Variants in KYNU observed in about 807,000 individuals in gnomAD.
KYNU encodes the protein L-kynurenine hydrolase.
Under a neutral mutation model 59.2 loss-of-function variants are expected in KYNU, and 54 were observed. That is an observed-to-expected ratio of 0.91 (90% CI 0.73 to 1.14). The LOEUF is 1.14. KYNU is among the 50% of genes most tolerant of loss of function. The pLI is 0.00. For missense variants in KYNU, 567 were observed against 554.4 expected, an observed-to-expected ratio of 1.02 and a Z score of -0.23; for synonymous variants, 177 against 192.0, an observed-to-expected ratio of 0.92 and a Z score of 0.65.
At chr2:142,890,471 G>A (rs753356255) in intron 2 of KYNU, among the ~76,000 whole-genome samples, 5 of 151,994 alleles carry the variant, frequency 3.3e-5, no homozygotes, top group Non-Finnish European at 7.4e-5. Flanking sequence ...GGGATCAGTA[G>A]GATTGTTTTT....
In KYNU at chr2:142,978,328, A is replaced by G. The variant is rs369948372; in HGVS notation, c.730-6756A>G. ...CTTTTTAAAAAGTAATATTGTCCAA[A>G]TTTATAGCACTGTAGTTCTTGGATT... is the stretch of plus-strand genomic sequence containing the variant. On this transcript the variant is annotated intron_variant, in intron 8 of 13. Coordinates refer to ENST00000264170, the MANE Select transcript of KYNU (RefSeq NM_003937.3). 5.8e-4 allele frequency among the ~76,000 whole-genome samples: 88 copies of G among 152,210 alleles called. 2 individuals carry two copies. In the South Asian group the frequency reaches 0.018, roughly 31 times the overall value.
chr2:142,998,901 C>T (rs910954924), intron 10 of KYNU, among the ~76,000 whole-genome samples: 6 of 148,248 alleles, frequency 4.0e-5, no homozygotes, highest in South Asian at 4.3e-4. Context: ...CCCAGCTACT[C>T]GGGAGGCTGA....
chr2:142,918,526 T>G, intron 2 of KYNU, 83 bp from the exon 3 acceptor site: 1 of 1,359,964 alleles, frequency 7.4e-7, no homozygotes, highest in Admixed American at 2.7e-5. Flanking sequence ...GTTGATTGTA[T>G]TAATTATTTG....
chr2:142,947,542 G>A (rs966806787), intron 4 of KYNU: 9 of 188,900 alleles, frequency 4.8e-5, no homozygotes, highest in Admixed American at 4.4e-4. Context: ...CAAAACTTTG[G>A]AATGCAAAAA....
intron 3 of KYNU, among the ~76,000 whole-genome samples, chr2:142,927,375 G>C (rs756338816): frequency 2.6e-5 from 4 of 151,722 alleles, no homozygotes; most frequent in Admixed American, 1.3e-4. Flanking sequence ...AAATAACTGA[G>C]ACCAAAAAAA....
At chr2:143,012,455 C>T (rs1430060119) in intron 10 of KYNU, among the ~76,000 whole-genome samples, 2 of 149,160 alleles carry the variant, frequency 1.3e-5, no homozygotes, top group Non-Finnish European at 3.0e-5. Flanking sequence ...TGCACTCCAG[C>T]CTGGATGACA....
At chr2:143,028,190 G>A (rs78657457) in intron 10 of KYNU, among the ~76,000 whole-genome samples, 17,616 of 145,924 alleles carry the variant, frequency 0.12, 1,119 homozygotes, top group East Asian at 0.25. Flanking sequence ...ATACACACAC[G>A]TATGTGATTT....
At chr2:142,973,245 C>T (rs964690775) in intron 8 of KYNU, among the ~76,000 whole-genome samples, 4 of 151,822 alleles carry the variant, frequency 2.6e-5, no homozygotes, top group South Asian at 2.1e-4. Context: ...CTGTAGTCTA[C>T]GTAATTGTCT....
rs991919238 is a variant in KYNU, at chr2:143,049,289, G to A, written c.*7117G>A. The A allele has an allele frequency of 4.0e-5, 6 of 151,822 alleles. No individual in the cohort carries two copies. The East Asian group carries it at 5.8e-4, about 15-fold the overall frequency. 9.4% of individuals were successfully genotyped at this position (151,822 alleles called of 1,614,324 possible). A position where few individuals can be genotyped will look rare whatever the true frequency, so the allele number is the denominator to read the frequency against. ...AAATTCCTTCCATTTGTGATCTTTC[G>A]AATGTGCTTCTGCTTTAGGCATTAG... is the stretch of plus-strand genomic sequence containing the variant. On this transcript the variant is annotated 3_prime_UTR_variant, in exon 14 of 14. Transcript: ENST00000264170.
At position 143,051,823 on chromosome 2, in the gene KYNU, A is replaced by T. The variant is rs1687271702; in HGVS notation, c.*9651A>T. The T allele has an allele frequency of 6.6e-6, 1 of 152,318 alleles. No individual in the cohort carries two copies. The highest frequency in any genetic ancestry group is 1.5e-5 in the Non-Finnish European group (1 of 68,136). The allele number at this position is 152,318 out of a possible 1,614,324, so 9.4% of individuals were successfully genotyped here. A position where few individuals can be genotyped will look rare whatever the true frequency, so the allele number is the denominator to read the frequency against. ...CAGCCTGAAAACTGACTAATATAGT[A>T]AGTTGGCACCAGTAGAGAGGGGCAC... On this transcript the variant is annotated 3_prime_UTR_variant, in exon 14 of 14. Transcript: ENST00000264170.
chr2:142,923,473 GCAACAATAT>G lies in KYNU; in HGVS notation c.291-4185_291-4177del, dbSNP rs1365774099. ...TAAAAAGGTTTTGTAACAAGAAGAA[GCAACAATAT>G]GCCTGAAGCCTATGGGTCTGTTGGA... is the stretch of plus-strand genomic sequence containing the variant. On this transcript the variant is annotated intron_variant, in intron 3 of 13. Transcript: ENST00000264170. Among the ~76,000 whole-genome samples, 13 of 152,262 alleles carry G rather than the reference GCAACAATAT, an allele frequency of 8.5e-5. No individual in the cohort carries two copies. In the East Asian group the frequency reaches 2.5e-3, roughly 29 times the overall value.
At chr2:142,984,529 C>A (rs1685144186) in intron 8 of KYNU, among the ~76,000 whole-genome samples, 1 of 152,056 alleles carries the variant, frequency 6.6e-6, no homozygotes, top group African/African-American at 2.4e-5. Flanking sequence ...ATAAAAGTGG[C>A]AGGTTCAGCT....
Position 143,055,688 on chromosome 2 carries a change from G to GAAGGAAAGGGAGGA in KYNU, c.*13516_*13517insAAGGAAAGGGAGGA, listed in dbSNP as rs879328526. The GAAGGAAAGGGAGGA allele has an allele frequency of 7.0e-6, 1 of 142,658 alleles. No homozygotes were observed. The highest frequency in any genetic ancestry group is 7.1e-5 in the Admixed American group (1 of 14,062). The allele number at this position is 142,658 out of a possible 1,614,324, so 8.8% of individuals were successfully genotyped here. ...GAAGGAAGGAAGGAAGGAAGGAAAG[G>GAAGGAAAGGGAGGA]GAGGAGAGGAGAGGAGAGGTAGGAG... On this transcript the variant is annotated 3_prime_UTR_variant, in exon 14 of 14. Coordinates refer to ENST00000264170, the MANE Select transcript of KYNU (RefSeq NM_003937.3).
chr2:143,051,271 A>T lies in KYNU; in HGVS notation c.*9099A>T, dbSNP rs564583716. 6.6e-6 allele frequency: 1 copy of T among 152,254 alleles called. No individual in the cohort carries two copies. The highest frequency in any genetic ancestry group is 6.5e-5 in the Admixed American group (1 of 15,298). The allele number at this position is 152,254 out of a possible 1,614,324, so 9.4% of individuals were successfully genotyped here. A position where few individuals can be genotyped will look rare whatever the true frequency, so the allele number is the denominator to read the frequency against. Reference sequence around the variant, plus strand: ...CATAGCCTTTAGTATAAAAACAGGTAGGCTTATATTACATATTTCCAACTT... The same window carrying T: ...CATAGCCTTTAGTATAAAAACAGGTTGGCTTATATTACATATTTCCAACTT... On this transcript the variant is annotated 3_prime_UTR_variant, in exon 14 of 14. Transcript: ENST00000264170.
At chr2:142,946,301 C>T (rs975154960) in intron 4 of KYNU, among the ~76,000 whole-genome samples, 3 of 152,098 alleles carry the variant, frequency 2.0e-5, no homozygotes, top group African/African-American at 7.2e-5. Context: ...TCAGGCTGGT[C>T]TCAAACTCCT....
chr2:142,978,624 G>T (rs552226838), intron 8 of KYNU, among the ~76,000 whole-genome samples: 1 of 152,150 alleles, frequency 6.6e-6, no homozygotes, highest in Non-Finnish European at 1.5e-5. Context: ...GCTGATATTC[G>T]CAGACACCTC....
intron 10 of KYNU, among the ~76,000 whole-genome samples, chr2:143,021,549 G>A (rs1430602115): frequency 6.6e-6 from 1 of 152,070 alleles, no homozygotes; most frequent in Admixed American, 6.6e-5. Context: ...TAGAAGTGTC[G>A]GGAAACTTAC....
intron 9 of KYNU, among the ~76,000 whole-genome samples, chr2:142,985,591 T>G (rs971175919): frequency 1.3e-5 from 2 of 151,856 alleles, no homozygotes; most frequent in African/African-American, 4.8e-5. Flanking sequence ...TAAAACCAAT[T>G]ACAATTTACT....
chr2:143,025,351 G>A (rs183561598), intron 10 of KYNU, among the ~76,000 whole-genome samples: 5 of 152,204 alleles, frequency 3.3e-5, no homozygotes, highest in Non-Finnish European at 7.4e-5. Flanking sequence ...CACTGAATGT[G>A]TTGAATTTTC....
Sources: allele counts gnomAD v4.1 joint callset (sites outside exome capture counted in the v4.1 genomes callset), GRCh38; gene constraint gnomAD v4.1.1; transcripts MANE v1.5; gene names NCBI Gene and HGNC (gene_info 2026-07-23, HGNC 2026-07-21).